The following PCTP variants were observed in gnomAD, a reference collection of about 807,000 sequenced individuals.
PCTP encodes phosphatidylcholine transfer protein.
A neutral mutation model predicts 31.0 loss-of-function variants in PCTP; 27 were observed. That is an observed-to-expected ratio of 0.87 (90% CI 0.64 to 1.20). The LOEUF is 1.20. Among genes scored for constraint, PCTP ranks in the 50% most tolerant of loss-of-function variants. PCTP has a pLI of 0.00. For synonymous variants in PCTP, 108 were observed against 101.2 expected (o/e 1.07, Z -0.40); for missense variants, 287 against 268.2 (o/e 1.07, Z -0.49).
At chr17:55,794,351 A>G (rs2145011879) in intron 3 of PCTP, among the ~76,000 whole-genome samples, 1 of 152,018 alleles carries the variant, frequency 6.6e-6, no homozygotes, top group East Asian at 1.9e-4. Context: ...TATATGGAGT[A>G]TATTTATATT....
chr17:55,843,600 T>A (rs1212087669), downstream of PCTP, among the ~76,000 whole-genome samples: 1 of 152,212 alleles, frequency 6.6e-6, no homozygotes, highest in African/African-American at 2.4e-5. Flanking sequence ...ATAGTTCTTC[T>A]AACCTTTCTT....
intron 3 of PCTP, among the ~76,000 whole-genome samples, chr17:55,818,382 A>G (rs576708597): frequency 2.7e-4 from 41 of 152,316 alleles, no homozygotes; most frequent in African/African-American, 9.6e-4. Flanking sequence ...GTTCTATCTC[A>G]GCATTTGTCA....
chr17:55,761,288 G>A (rs138705559), intron 1 of PCTP, among the ~76,000 whole-genome samples: 54 of 152,146 alleles, frequency 3.5e-4, no homozygotes, highest in African/African-American at 1.2e-3. Context: ...TAGTATTATT[G>A]AAAGAATTTG....
At chr17:55,808,835 G>T (rs961359245) in intron 3 of PCTP, among the ~76,000 whole-genome samples, 5 of 152,108 alleles carry the variant, frequency 3.3e-5, no homozygotes, top group Non-Finnish European at 5.9e-5. Context: ...AAAAAACAAA[G>T]GAATTTCCTT....
At chr17:55,792,154 T>G (rs71387420) in intron 3 of PCTP, among the ~76,000 whole-genome samples, 16,517 of 100,116 alleles carry the variant, frequency 0.16, 1,191 homozygotes, top group Middle Eastern at 0.3. Context: ...TGGGGACTGT[T>G]GTGGGGTGGG....
intron 2 of PCTP, chr17:55,769,202 T>C (rs1378711692): frequency 6.6e-6 from 1 of 152,260 alleles, no homozygotes; most frequent in Non-Finnish European, 1.5e-5. Context: ...AGGAGAATTC[T>C]ACTTTTCTAG....
At chr17:55,835,983 G>T (rs538802344) in intron 5 of PCTP, among the ~76,000 whole-genome samples, 2 of 152,218 alleles carry the variant, frequency 1.3e-5, no homozygotes, top group South Asian at 2.1e-4. Flanking sequence ...TGCTGAATGG[G>T]AGATTGATAT....
At chr17:55,849,325 TA>T in the PCTP span, among the ~76,000 whole-genome samples, 35 of 152,250 alleles carry the variant, frequency 2.3e-4, no homozygotes, top group African/African-American at 8.4e-4. Flanking sequence ...ACCAAACATT[TA>T]AAAAATAGCA....
At chr17:55,849,688 AAAAGG>A in the PCTP span, among the ~76,000 whole-genome samples, 3 of 152,196 alleles carry the variant, frequency 2.0e-5, no homozygotes, top group African/African-American at 4.8e-5. Flanking sequence ...TCCAAATAAT[AAAAGG>A]AAAGGAAAGA....
rs1362324258 is a variant in PCTP, at chr17:55,751,152, T to C, written c.49T>C (p.Cys17Arg). ...CTCGGAGGAGCAGTTCTGGGAGGCC[T>C]GCGCCGAGCTCCAGCAGCCCGCTCT... is the stretch of plus-strand genomic sequence containing the variant. ...SFSEEQFWEA[C>R]AELQQPALAG... The change falls in exon 1 of 6, where the codon TGC becomes CGC. Residue 17 changes from cysteine to arginine, a missense_variant. By Grantham distance (180) the Cys-to-Arg change is radical. Coordinates refer to ENST00000268896, the MANE Select transcript of PCTP (RefSeq NM_021213.4). 6 of 1,547,852 alleles carry C rather than the reference T, an allele frequency of 3.9e-6. No individual in the cohort carries two copies. The highest frequency in any genetic ancestry group is 1.7e-4 in the Middle Eastern group (1 of 5,756).
At chr17:55,849,388 T>C in the PCTP span, among the ~76,000 whole-genome samples, 1 of 152,284 alleles carries the variant, frequency 6.6e-6, no homozygotes, top group Admixed American at 6.5e-5. Context: ...TTTGGGAGGC[T>C]GAAGTGGGTA....
chr17:55,760,408 G>C (rs561924782), intron 1 of PCTP, among the ~76,000 whole-genome samples: 13 of 152,114 alleles, frequency 8.5e-5, no homozygotes, highest in Non-Finnish European at 1.8e-4. Flanking sequence ...CCACATAATA[G>C]AACTTTAGAT....
the PCTP span, among the ~76,000 whole-genome samples, chr17:55,852,151 TC>T: frequency 2.6e-5 from 4 of 152,226 alleles, no homozygotes; most frequent in African/African-American, 9.6e-5. Flanking sequence ...TATATACTAT[TC>T]TGTTGAAGTA....
intron 1 of PCTP, among the ~76,000 whole-genome samples, chr17:55,757,152 CAA>C (rs1910072483): frequency 6.6e-6 from 1 of 151,420 alleles, no homozygotes; most frequent in South Asian, 2.1e-4. Context: ...TGTACACACA[CAA>C]AAGCATGCAT....
chr17:55,831,728 C>T (rs9907899), intron 5 of PCTP, among the ~76,000 whole-genome samples: 44,743 of 151,990 alleles, frequency 0.29, 6,571 homozygotes, highest in East Asian at 0.42. Flanking sequence ...GCACTAGAGT[C>T]CCAGATACGA....
intron 3 of PCTP, among the ~76,000 whole-genome samples, chr17:55,788,706 G>A (rs1020012029): frequency 6.6e-6 from 1 of 152,150 alleles, no homozygotes; most frequent in African/African-American, 2.4e-5. Context: ...AGGTGATGGG[G>A]TATCCAGGTG....
chr17:55,849,135 C>T, the PCTP span, among the ~76,000 whole-genome samples: 39,443 of 151,386 alleles, frequency 0.26, 7,535 homozygotes, highest in African/African-American at 0.54. Flanking sequence ...TTTTAGGATG[C>T]ATAGGAAAAG....
Position 55,777,354 on chromosome 17 carries a change from A to G in PCTP, c.*1254A>G, listed in dbSNP as rs1911390316. On this transcript the variant is annotated 3_prime_UTR_variant, in exon 6 of 6. Transcript: ENST00000268896. Reference sequence around the variant, plus strand: ...GGAAGAAAAGTGTGTTCTATAATGAATAAATATAGAGTGGTTTTTACTTGT... The same window carrying G: ...GGAAGAAAAGTGTGTTCTATAATGAGTAAATATAGAGTGGTTTTTACTTGT... The G allele has an allele frequency of 5.1e-6, 5 of 984,258 alleles. No homozygotes were observed. Among genetic ancestry groups the G allele is most frequent in the African/African-American group, 1.7e-5 (1 of 57,212 alleles). 61.0% of individuals were successfully genotyped at this position (984,258 alleles called of 1,614,324 possible). A position where few individuals can be genotyped will look rare whatever the true frequency, so the allele number is the denominator to read the frequency against.
downstream of PCTP, among the ~76,000 whole-genome samples, chr17:55,778,927 T>C (rs1055585016): frequency 3.3e-5 from 5 of 152,024 alleles, no homozygotes; most frequent in Non-Finnish European, 5.9e-5. Flanking sequence ...CCCTTGAAAA[T>C]GTTCCTATTT....
Sources: gnomAD v4.1 joint callset for allele counts (sites outside exome capture counted in the v4.1 genomes callset) on GRCh38, gnomAD v4.1.1 for gene constraint, MANE v1.5 for transcripts, NCBI Gene and HGNC (gene_info 2026-07-23, HGNC 2026-07-21) for gene names.